DLGAP1: variants seen among roughly 807,000 people sequenced by gnomAD.
The protein encoded by DLGAP1 is disks large-associated protein 1.
DLGAP1 carries 11 observed loss-of-function variants against 90.8 expected under a neutral mutation model. The ratio of observed to expected loss-of-function variants is 0.12; its 90% CI spans 0.08 to 0.20. The LOEUF (loss-of-function observed/expected upper bound fraction) is 0.20, where lower values mean the gene tolerates loss of function less well. Among genes scored for constraint, DLGAP1 ranks in the 10% least tolerant of loss-of-function variants. The probability of loss-of-function intolerance (pLI) is 1.00; values close to 1 mark genes in which losing one functional copy is unlikely to be tolerated. For missense variants in DLGAP1, 1,050 were observed against 1,333.8 expected, an observed-to-expected ratio of 0.79 and a Z score of 3.31; for synonymous variants, 558 against 540.7, an observed-to-expected ratio of 1.03 and a Z score of -0.44.
chr18:4,327,343 T>C (rs2080845935), intron 1 of DLGAP1, among the ~76,000 whole-genome samples: 1 of 151,930 alleles, frequency 6.6e-6, no homozygotes, highest in Non-Finnish European at 1.5e-5. Context: ...AATATATTGA[T>C]TATGTGCCAA....
At chr18:3,777,017 T>TCCTGGA (rs11281814) in intron 5 of DLGAP1, among the ~76,000 whole-genome samples, 1 of 151,560 alleles carries the variant, frequency 6.6e-6, no homozygotes, top group Admixed American at 6.6e-5. Flanking sequence ...AGTCTCAAAC[T>TCCTGGA]CTCAAGCAAT....
At chr18:3,674,294 A>ATATATATATAT (rs1555623961) in intron 7 of DLGAP1, among the ~76,000 whole-genome samples, 27 of 42,282 alleles carry the variant, frequency 6.4e-4, no homozygotes, top group Middle Eastern at 8.6e-3. Context: ...CTATAATATT[A>ATATATATATAT]AAATATATAT....
At chr18:3,650,104 C>T (rs1309640074) in intron 7 of DLGAP1, among the ~76,000 whole-genome samples, 1 of 152,110 alleles carries the variant, frequency 6.6e-6, no homozygotes, top group African/African-American at 2.4e-5. Flanking sequence ...AATGCAGTTG[C>T]ACAATCTCGG....
rs35620201 is a variant in DLGAP1, at chr18:3,637,574, C to CA, written c.1592-55327dup. On this transcript the variant is annotated intron_variant, in intron 7 of 12. Coordinates refer to ENST00000315677, the MANE Select transcript of DLGAP1 (RefSeq NM_004746.4). ...CATGGCAAAACCCTGTCTCCCCCAC[C>CA]AAAAAAAAAAAAAAAAAAAAAAATT... is the stretch of plus-strand genomic sequence containing the variant. 4.7e-3 allele frequency among the ~76,000 whole-genome samples: 445 copies of CA among 94,746 alleles called. 3 individuals carry two copies. Among genetic ancestry groups the CA allele is most frequent in the Middle Eastern group, 0.032 (5 of 156 alleles). The allele number at this position is 94,746 out of a possible 152,430, so 62.2% of individuals were successfully genotyped here.
intron 1 of DLGAP1, among the ~76,000 whole-genome samples, chr18:4,175,219 T>G (rs1598547126): frequency 6.6e-6 from 1 of 152,354 alleles, no homozygotes; most frequent in Admixed American, 6.5e-5. Flanking sequence ...CAATGTCTTC[T>G]TTTGAGAAGT....
chr18:4,359,319 T>A (rs2081585531), intron 1 of DLGAP1, among the ~76,000 whole-genome samples: 1 of 152,198 alleles, frequency 6.6e-6, no homozygotes, highest in Non-Finnish European at 1.5e-5. Context: ...CTGGAGTAGA[T>A]CATAAGACCC....
chr18:4,099,345 A>ATCTATCTATCTG (rs1185423870), intron 2 of DLGAP1, among the ~76,000 whole-genome samples: 21 of 73,066 alleles, frequency 2.9e-4, no homozygotes, highest in African/African-American at 6.5e-4. Context: ...CTATCTATCT[A>ATCTATCTATCTG]TCTGTCTGTC....
intron 4 of DLGAP1, among the ~76,000 whole-genome samples, chr18:3,864,953 T>C (rs1280131713): frequency 1.3e-5 from 2 of 151,996 alleles, no homozygotes; most frequent in African/African-American, 4.8e-5. Context: ...GTAAAATGGG[T>C]AAATCTCCCA....
intron 1 of DLGAP1, among the ~76,000 whole-genome samples, chr18:4,279,294 AT>A (rs142415505): frequency 6.6e-6 from 1 of 151,836 alleles, no homozygotes; most frequent in African/African-American, 2.4e-5. Flanking sequence ...CATCCAAATA[AT>A]TTTTTTTACC....
At position 4,203,643 on chromosome 18, in the gene DLGAP1, C is replaced by T. The variant is rs1303865967; in HGVS notation, c.-266-52356G>A. ...CTCAGTCAGGCCCAGAAAACAACCACTCTTTCTTCCTTTTCTCCCTCCCTG... is the reference window on the plus strand; with the variant it reads ...CTCAGTCAGGCCCAGAAAACAACCATTCTTTCTTCCTTTTCTCCCTCCCTG... On this transcript the variant is annotated intron_variant, in intron 1 of 12. Coordinates refer to ENST00000315677, the MANE Select transcript of DLGAP1 (RefSeq NM_004746.4). Among the ~76,000 whole-genome samples the T allele has an allele frequency of 3.9e-5, 6 of 152,190 alleles. No homozygotes were observed. The South Asian group carries it at 1.0e-3, about 26-fold the overall frequency.
chr18:3,901,254 T>C (rs1023445527), intron 3 of DLGAP1, among the ~76,000 whole-genome samples: 1 of 152,176 alleles, frequency 6.6e-6, no homozygotes, highest in African/African-American at 2.4e-5. Flanking sequence ...CTTCAAAATT[T>C]AACTGCTCCT....
intron 1 of DLGAP1, among the ~76,000 whole-genome samples, chr18:4,446,979 A>G (rs76145200): frequency 0.026 from 3,949 of 152,312 alleles, 161 homozygotes; most frequent in African/African-American, 0.09. Context: ...CTACAATGAG[A>G]TATCATTTCA....
chr18:4,392,965 A>T (rs985705968), intron 1 of DLGAP1, among the ~76,000 whole-genome samples: 2 of 152,100 alleles, frequency 1.3e-5, no homozygotes, highest in African/African-American at 4.8e-5. Flanking sequence ...ATCCATCAGC[A>T]AGTCATGTGT....
chr18:3,809,419 G>T (rs1174425967), intron 5 of DLGAP1, among the ~76,000 whole-genome samples: 1 of 152,054 alleles, frequency 6.6e-6, no homozygotes, highest in Admixed American at 6.6e-5. Flanking sequence ...AAAGGTTCAG[G>T]GCCAGGGGGA....
intron 1 of DLGAP1, among the ~76,000 whole-genome samples, chr18:4,251,523 T>C (rs915682058): frequency 2.0e-5 from 3 of 152,222 alleles, no homozygotes; most frequent in African/African-American, 7.2e-5. Flanking sequence ...AAAAATTCAA[T>C]GTCTCATTTG....
At chr18:4,199,923 T>C (rs1384104446) in intron 1 of DLGAP1, among the ~76,000 whole-genome samples, 1 of 152,228 alleles carries the variant, frequency 6.6e-6, no homozygotes, top group African/African-American at 2.4e-5. Context: ...CAAAATGTCC[T>C]ACATTTCAAT....
chr18:3,867,358 A>C (rs3898003), intron 4 of DLGAP1, among the ~76,000 whole-genome samples: 1 of 151,894 alleles, frequency 6.6e-6, no homozygotes. Flanking sequence ...TCCCTTCCAA[A>C]TTATGTAATA....
chr18:4,010,128 C>A (rs2149093219), intron 2 of DLGAP1, among the ~76,000 whole-genome samples: 1 of 152,262 alleles, frequency 6.6e-6, no homozygotes, highest in Non-Finnish European at 1.5e-5. Flanking sequence ...TCTAAATATT[C>A]CATTGAGATA....
intron 4 of DLGAP1, among the ~76,000 whole-genome samples, chr18:3,862,941 C>T (rs956890998): frequency 2.6e-5 from 4 of 152,264 alleles, no homozygotes; most frequent in Non-Finnish European, 5.9e-5. Context: ...GCAATTTGGA[C>T]ACCTCTAATC....
Sources: gnomAD v4.1 joint callset for allele counts (sites outside exome capture counted in the v4.1 genomes callset) on GRCh38, gnomAD v4.1.1 for gene constraint, MANE v1.5 for transcripts, NCBI Gene and HGNC (gene_info 2026-07-23, HGNC 2026-07-21) for gene names.